TMEM8B: variants seen among roughly 807,000 people sequenced by gnomAD.
TMEM8B encodes the protein transmembrane protein 8B, also known as nasopharyngeal carcinoma expressed 6.
Under a neutral mutation model 49.3 loss-of-function variants are expected in TMEM8B, and 29 were observed. The observed-to-expected ratio is 0.59, with a 90% CI of 0.44 to 0.80. TMEM8B has a LOEUF of 0.80. TMEM8B is among the 30% of genes least tolerant of loss of function. TMEM8B has a pLI of 0.00. For missense variants in TMEM8B, 575 were observed against 658.5 expected, an observed-to-expected ratio of 0.87 and a Z score of 1.39; for synonymous variants, 264 against 272.8, an observed-to-expected ratio of 0.97 and a Z score of 0.32.
intron 3 of TMEM8B, among the ~76,000 whole-genome samples, chr9:35,836,583 G>C (rs1203123807): frequency 6.6e-6 from 1 of 152,190 alleles, no homozygotes; most frequent in Non-Finnish European, 1.5e-5. Flanking sequence ...GAAGTGGTCA[G>C]GATTGCTTAT....
chr9:35,830,813 G>C (rs776624774), intron 1 of TMEM8B, among the ~76,000 whole-genome samples: 1 of 152,234 alleles, frequency 6.6e-6, no homozygotes, highest in South Asian at 2.1e-4. Flanking sequence ...GCCACCCTCC[G>C]GTGGGGAAGT....
At chr9:35,848,838 C>T (rs1232681295) in intron 10 of TMEM8B, among the ~76,000 whole-genome samples, 2 of 152,002 alleles carry the variant, frequency 1.3e-5, no homozygotes, top group African/African-American at 4.8e-5. Flanking sequence ...CCACACCTAG[C>T]TAATTTTTGT....
At chr9:35,840,052 T>G (rs755749990) in intron 3 of TMEM8B, among the ~76,000 whole-genome samples, 5 of 151,740 alleles carry the variant, frequency 3.3e-5, no homozygotes, top group Non-Finnish European at 5.9e-5. Flanking sequence ...ATGTCCTAAT[T>G]AGGAGCCCCC....
Position 35,846,075 on chromosome 9 carries a change from TGAGGAATGGGGGAGGA to T in TMEM8B, c.1729+14_1729+29del. 1 of 1,585,004 alleles carries T rather than the reference TGAGGAATGGGGGAGGA, an allele frequency of 6.3e-7. No individual in the cohort carries two copies. Reference sequence around the variant, plus strand: ...GCAGTGACCTGTTCCAAAGGTGAGGTGAGGAATGGGGGAGGAGAGGAAGCTGCAGTGTGGGGGTGGT... The same window carrying T: ...GCAGTGACCTGTTCCAAAGGTGAGGTGAGGAAGCTGCAGTGTGGGGGTGGT... On this transcript the variant is annotated splice_region_variant and intron_variant, in intron 7 of 12. Transcript: ENST00000643932.
At chr9:35,852,767 G>A in intron 10 of TMEM8B, 60 bp from the exon 11 acceptor site, 2 of 1,607,334 alleles carry the variant, frequency 1.2e-6, no homozygotes, top group Non-Finnish European at 1.7e-6. Flanking sequence ...CACCCCTCCG[G>A]TTTTGTAGAT....
intron 10 of TMEM8B, among the ~76,000 whole-genome samples, chr9:35,851,111 TTTTA>T (rs1041885911): frequency 6.6e-6 from 1 of 152,126 alleles, no homozygotes; most frequent in African/African-American, 2.4e-5. Flanking sequence ...ACTTAACCAT[TTTTA>T]TTTATTTATT....
chr9:35,842,275 T>C lies in TMEM8B; in HGVS notation c.1310-117T>C. ...CCCACACTCCCAAGGGACATCGCATTCTAGTTCTCATCCTTCCCCACTCTT... is the reference window on the plus strand; with the variant it reads ...CCCACACTCCCAAGGGACATCGCATCCTAGTTCTCATCCTTCCCCACTCTT... On this transcript the variant is annotated intron_variant, in intron 5 of 12. Transcript: ENST00000643932. This position sits in a 1 kb window ranked among gnomAD's most constrained non-coding sequence, Gnocchi z 5.6. 1 of 757,304 alleles carries C rather than the reference T, an allele frequency of 1.3e-6. No homozygotes were observed. The highest frequency in any genetic ancestry group is 2.0e-6 in the Non-Finnish European group (1 of 495,968). The allele number at this position is 757,304 out of a possible 1,614,324, so 46.9% of individuals were successfully genotyped here.
intron 1 of TMEM8B, among the ~76,000 whole-genome samples, chr9:35,831,677 G>C (rs75763033): frequency 0.016 from 2,435 of 152,312 alleles, 68 homozygotes; most frequent in African/African-American, 0.055. Flanking sequence ...GGGCTGGTGA[G>C]GGGAGCAGGG....
intron 1 of TMEM8B, among the ~76,000 whole-genome samples, chr9:35,833,820 C>T (rs973750085): frequency 9.2e-5 from 14 of 152,142 alleles, no homozygotes; most frequent in African/African-American, 3.4e-4. Context: ...AGGCCCCTGG[C>T]AGCCGTACCA....
chr9:35,832,921 G>T (rs2132218505), intron 1 of TMEM8B, among the ~76,000 whole-genome samples: 1 of 152,210 alleles, frequency 6.6e-6, no homozygotes, highest in East Asian at 1.9e-4. Flanking sequence ...CTCTCTGAAT[G>T]CTGCACTGGT....
In TMEM8B at chr9:35,856,425, G is replaced by A. The variant is rs1446282731; in HGVS notation, c.*2585G>A. On this transcript the variant is annotated 3_prime_UTR_variant, in exon 13 of 13. Transcript: ENST00000643932. ...GTGCGCATGCTTTTGTGTGTGGAGT[G>A]GGGTGGTGGAGGTAAGCAGCCAATG... The A allele has an allele frequency of 6.6e-6, 1 of 152,268 alleles. No individual in the cohort carries two copies. Among genetic ancestry groups the A allele is most frequent in the Admixed American group, 6.5e-5 (1 of 15,268 alleles). The allele number at this position is 152,268 out of a possible 1,614,324, so 9.4% of individuals were successfully genotyped here.
In TMEM8B at chr9:35,842,587, C is replaced by G; in HGVS notation, c.1505C>G (p.Ser502Cys). 1.9e-6 allele frequency: 3 copies of G among 1,614,260 alleles called. No individual in the cohort carries two copies. Among genetic ancestry groups the G allele is most frequent in the Non-Finnish European group, 2.5e-6 (3 of 1,180,050 alleles). Residue 502 changes from serine (S) to cysteine (C), a missense_variant, in exon 6 of 13, where the codon TCT (serine) becomes TGT (cysteine). Ser to Cys is a moderately radical substitution (Grantham distance 112). Coordinates refer to ENST00000643932, the MANE Select transcript of TMEM8B (RefSeq NM_001042590.4). The surrounding 1 kb of genome is among the most constrained non-coding windows in gnomAD (Gnocchi z 5.6). ...CTGCGCAACGAGCTGGACACCTTCT[C>G]TGTCCACTTCTACATCTTCTTTGGC... ...PTLRNELDTF[S>C]VHFYIFFGPS... is the part of the protein sequence containing the mutation.
At position 35,863,210 on chromosome 9, in the gene TMEM8B, C is replaced by G. The variant is rs1345633052; in HGVS notation, c.*9370C>G. 6.6e-6 allele frequency: 1 copy of G among 152,264 alleles called. No homozygotes were observed. 9.4% of individuals were successfully genotyped at this position (152,264 alleles called of 1,614,324 possible). ...GGTCTTGCCTCAAAATCAATTCCCC[C>G]TTCCCCCTCCAACACATACACCGCA... On this transcript the variant is annotated 3_prime_UTR_variant, in exon 13 of 13. Coordinates refer to ENST00000643932, the MANE Select transcript of TMEM8B (RefSeq NM_001042590.4).
In TMEM8B at chr9:35,854,652, G is replaced by A. The variant is rs1832440885; in HGVS notation, c.*812G>A. On this transcript the variant is annotated 3_prime_UTR_variant, in exon 13 of 13. Transcript: ENST00000643932. ...TTGAGCCCGATTTGCAGTATCTGAGGGGTGTGTGTGTGTGTGTGTGTGTTT... is the reference window on the plus strand; with the variant it reads ...TTGAGCCCGATTTGCAGTATCTGAGAGGTGTGTGTGTGTGTGTGTGTGTTT... 1 of 141,274 alleles carries A rather than the reference G, an allele frequency of 7.1e-6. No individual in the cohort carries two copies. The highest frequency in any genetic ancestry group is 1.6e-5 in the Non-Finnish European group (1 of 62,562). The allele number at this position is 141,274 out of a possible 1,614,324, so 8.8% of individuals were successfully genotyped here. A position where few individuals can be genotyped will look rare whatever the true frequency, so the allele number is the denominator to read the frequency against.
chr9:35,835,226 G>T lies in TMEM8B; in HGVS notation c.906+8G>T. 2.4e-6 allele frequency: 1 copy of T among 415,684 alleles called. No individual in the cohort carries two copies. Among genetic ancestry groups the T allele is most frequent in the South Asian group, 1.3e-4 (1 of 7,936 alleles). The allele number at this position is 415,684 out of a possible 1,614,324, so 25.7% of individuals were successfully genotyped here. On this transcript the variant is annotated splice_region_variant and intron_variant, in intron 3 of 12. Transcript: ENST00000643932. ...GGCCACATCTCTGTCAAGGTGGGTT[G>T]ATGTTGCCCAGGCTCGGGGGTCCAG...
rs1218155014 is a variant in TMEM8B at position 35,841,701 on chromosome 9, C to G, written c.1216C>G (p.Pro406Ala). 1.9e-5 allele frequency: 8 copies of G among 415,760 alleles called. No individual in the cohort carries two copies. Among genetic ancestry groups the G allele is most frequent in the Non-Finnish European group, 3.5e-5 (8 of 226,470 alleles). 25.8% of individuals were successfully genotyped at this position (415,760 alleles called of 1,614,324 possible). Residue 406 changes from proline (P) to alanine (A), a missense_variant, in exon 5 of 13, where the codon CCC becomes GCC. Coordinates refer to ENST00000643932, the MANE Select transcript of TMEM8B (RefSeq NM_001042590.4). This position sits in a 1 kb window ranked among gnomAD's most constrained non-coding sequence, Gnocchi z 5.9. ...ASGCQLELAL[P>A]PWGHWVYVRV... Reference sequence around the variant, plus strand: ...AGGATGCCAGCTGGAGCTGGCACTGCCCCCCTGGGGGCACTGGGTCTACGT... The same window carrying G: ...AGGATGCCAGCTGGAGCTGGCACTGGCCCCCTGGGGGCACTGGGTCTACGT...
In TMEM8B at chr9:35,853,458, G is replaced by T; in HGVS notation, c.2440-47G>T. The T allele has an allele frequency of 6.3e-7, 1 of 1,578,752 alleles. No individual in the cohort carries two copies. The highest frequency in any genetic ancestry group is 8.6e-7 in the Non-Finnish European group (1 of 1,164,594). ...CTGAGAGTGACCAGCTCTGGCTTGG[G>T]TTCCAGGGCTTGGCATTCCTGAGCC... On this transcript the variant is annotated intron_variant, in intron 12 of 12. Coordinates refer to ENST00000643932, the MANE Select transcript of TMEM8B (RefSeq NM_001042590.4). The surrounding 1 kb of genome is among the most constrained non-coding windows in gnomAD (Gnocchi z 4.2).
chr9:35,845,882 G>A, intron 6 of TMEM8B, 93 bp from the exon 7 acceptor site: 1 of 1,605,412 alleles, frequency 6.2e-7, no homozygotes, highest in East Asian at 2.2e-5. Context: ...GCTGTCCTTG[G>A]AAGGTGTGGG....
chr9:35,862,798 T>TG lies in TMEM8B; in HGVS notation c.*8958_*8959insG, dbSNP rs1832674283. The TG allele has an allele frequency of 3.3e-5, 5 of 152,370 alleles. No homozygotes were observed. Among genetic ancestry groups the TG allele is most frequent in the Non-Finnish European group, 7.3e-5 (5 of 68,058 alleles). 9.4% of individuals were successfully genotyped at this position (152,370 alleles called of 1,614,324 possible). ...CCGGACAACAAGATGGTCACACAGC[T>TG]ATTAGTGGAGGTTAAGTTCATTCTG... On this transcript the variant is annotated 3_prime_UTR_variant, in exon 13 of 13. Coordinates refer to ENST00000643932, the MANE Select transcript of TMEM8B (RefSeq NM_001042590.4).
Sources: allele counts gnomAD v4.1 joint callset (sites outside exome capture counted in the v4.1 genomes callset), GRCh38; gene constraint gnomAD v4.1.1; non-coding constraint Gnocchi (gnomAD v3.1); transcripts MANE v1.5; gene names NCBI Gene and HGNC (gene_info 2026-07-23, HGNC 2026-07-21).